The following CLVS1 variants were observed in gnomAD, a reference collection of about 807,000 sequenced individuals.
CLVS1 encodes clavesin 1, also known as clavesin-1.
A neutral mutation model predicts 33.1 loss-of-function variants in CLVS1; 10 were observed. The observed-to-expected ratio is 0.30, with a 90% CI of 0.19 to 0.51. The LOEUF is 0.51. Among genes scored for constraint, CLVS1 ranks in the 20% least tolerant of loss-of-function variants. CLVS1 has a pLI of 0.97. For synonymous variants in CLVS1, 163 were observed against 166.1 expected (o/e 0.98, Z 0.14); for missense variants, 343 against 433.4 (o/e 0.79, Z 1.85).
intron 5 of CLVS1, among the ~76,000 whole-genome samples, chr8:61,460,024 C>T (rs1186333706): frequency 6.6e-6 from 1 of 152,108 alleles, no homozygotes; most frequent in African/African-American, 2.4e-5. Flanking sequence ...TATGACCCAC[C>T]CATAGAACCT....
At chr8:61,135,448 A>G (rs1806175982) in intron 2 of CLVS1, among the ~76,000 whole-genome samples, 1 of 152,192 alleles carries the variant, frequency 6.6e-6, no homozygotes, top group Non-Finnish European at 1.5e-5. Flanking sequence ...TTGTGCTGGG[A>G]TGATTTTAAT....
chr8:61,187,543 A>G (rs1352696817), intron 2 of CLVS1, among the ~76,000 whole-genome samples: 4 of 152,080 alleles, frequency 2.6e-5, no homozygotes, highest in Non-Finnish European at 2.9e-5. Context: ...AATCTTTACA[A>G]CAAACTTATT....
chr8:61,214,218 C>T (rs927843834), intron 2 of CLVS1, among the ~76,000 whole-genome samples: 11 of 152,286 alleles, frequency 7.2e-5, no homozygotes, highest in African/African-American at 2.6e-4. Flanking sequence ...TCTCGCCCTG[C>T]CTCCACTTGC....
At chr8:61,321,501 G>C (rs1306821080) in intron 2 of CLVS1, among the ~76,000 whole-genome samples, 1 of 151,856 alleles carries the variant, frequency 6.6e-6, no homozygotes, top group Non-Finnish European at 1.5e-5. Context: ...CGTGGGAATG[G>C]TTGTTATTCT....
At chr8:61,401,245 C>T (rs563884962) in intron 3 of CLVS1, among the ~76,000 whole-genome samples, 1 of 150,810 alleles carries the variant, frequency 6.6e-6, no homozygotes, top group African/African-American at 2.4e-5. Flanking sequence ...TTTTCTTTCC[C>T]AATCTGGATA....
chr8:61,066,143 T>C lies in CLVS1; in HGVS notation c.-243+8913T>C, dbSNP rs183679963. 7.9e-5 allele frequency among the ~76,000 whole-genome samples: 12 copies of C among 152,308 alleles called. No individual in the cohort carries two copies. The East Asian group carries it at 2.3e-3, about 29-fold the overall frequency. On this transcript the variant is annotated intron_variant, in intron 1 of 2. Coordinates refer to the CLVS1 transcript ENST00000522621. ...TGGAGGGTAACTTTGTGTTGTATCA[T>C]CTATATTGTTTTCAGAGTTTACCAA...
At chr8:61,313,961 A>C (rs1414875230) in intron 2 of CLVS1, among the ~76,000 whole-genome samples, 2 of 152,116 alleles carry the variant, frequency 1.3e-5, no homozygotes, top group Admixed American at 1.3e-4. Flanking sequence ...CCGCTATGTG[A>C]CTTGAGCTCC....
chr8:61,331,320 C>T (rs916300605), intron 2 of CLVS1, among the ~76,000 whole-genome samples: 1 of 151,988 alleles, frequency 6.6e-6, no homozygotes, highest in Non-Finnish European at 1.5e-5. Context: ...ATTCATATTG[C>T]TGTGTTTGGT....
intron 5 of CLVS1, among the ~76,000 whole-genome samples, chr8:61,487,971 C>G (rs549161546): frequency 2.0e-4 from 31 of 152,276 alleles, no homozygotes; most frequent in African/African-American, 7.2e-4. Flanking sequence ...CATGTGCACC[C>G]CAGCTTTAGA....
intron 2 of CLVS1, among the ~76,000 whole-genome samples, chr8:61,351,470 A>G (rs996095301): frequency 2.0e-5 from 3 of 152,112 alleles, no homozygotes; most frequent in Non-Finnish European, 4.4e-5. Flanking sequence ...AAGATCCAAT[A>G]TTCATAGGAT....
intron 1 of CLVS1, among the ~76,000 whole-genome samples, chr8:61,067,998 A>AGC (rs61190259): frequency 0.077 from 11,566 of 150,690 alleles, 531 homozygotes; most frequent in Middle Eastern, 0.12. Context: ...TGAGAGAGAG[A>AGC]GAGAGAGAGA....
intron 3 of CLVS1, among the ~76,000 whole-genome samples, chr8:61,399,301 GT>G (rs1814658218): frequency 6.6e-6 from 1 of 152,080 alleles, no homozygotes. Flanking sequence ...ATGTTAAGCT[GT>G]TTTTCATGTG....
At chr8:61,364,891 G>A (rs1400173892) in intron 2 of CLVS1, among the ~76,000 whole-genome samples, 2 of 152,134 alleles carry the variant, frequency 1.3e-5, no homozygotes, top group African/African-American at 2.4e-5. Flanking sequence ...CAAGTTACAG[G>A]TGTGCTTCCC....
chr8:61,355,027 C>G (rs1175852385), intron 2 of CLVS1, among the ~76,000 whole-genome samples: 2 of 152,140 alleles, frequency 1.3e-5, no homozygotes, highest in Non-Finnish European at 2.9e-5. Flanking sequence ...GTATTCTGTT[C>G]TTCCCTGTTT....
chr8:61,233,943 C>T (rs1238430302), intron 2 of CLVS1, among the ~76,000 whole-genome samples: 2 of 152,238 alleles, frequency 1.3e-5, no homozygotes, highest in African/African-American at 2.4e-5. Context: ...CTTGGAGACT[C>T]GCTCTCTCTC....
the CLVS1 span, among the ~76,000 whole-genome samples, chr8:61,025,090 A>C: frequency 6.6e-6 from 1 of 151,588 alleles, no homozygotes; most frequent in Non-Finnish European, 1.5e-5. Flanking sequence ...CTCAGGTGAT[A>C]CTCCTGCCTC....
chr8:61,089,665 T>TC (rs1204327358), intron 1 of CLVS1, among the ~76,000 whole-genome samples: 4 of 152,108 alleles, frequency 2.6e-5, no homozygotes, highest in Non-Finnish European at 4.4e-5. Context: ...ACACCTGTAA[T>TC]CCCAGGGCTT....
At chr8:61,274,251 G>A (rs1809521823) in intron 2 of CLVS1, among the ~76,000 whole-genome samples, 1 of 152,136 alleles carries the variant, frequency 6.6e-6, no homozygotes, top group Admixed American at 6.5e-5. Flanking sequence ...CATTCTTTCA[G>A]TGCTATTTTA....
intron 2 of CLVS1, among the ~76,000 whole-genome samples, chr8:61,261,448 C>T (rs1809201219): frequency 6.6e-6 from 1 of 152,156 alleles, no homozygotes; most frequent in East Asian, 1.9e-4. Context: ...ATTTGCCACC[C>T]ACTCTACAAA....
Sources: allele counts gnomAD v4.1 joint callset (sites outside exome capture counted in the v4.1 genomes callset), GRCh38; gene constraint gnomAD v4.1.1; transcripts MANE v1.5; gene names NCBI Gene and HGNC (gene_info 2026-07-23, HGNC 2026-07-21).